The following MYZAP variants were observed in gnomAD, a reference collection of about 807,000 sequenced individuals.
MYZAP encodes the protein GRINL1A complex locus upstream.
In MYZAP, 66 loss-of-function variants were observed where a neutral mutation model predicts 69.4. The ratio of observed to expected loss-of-function variants is 0.95; its 90% CI spans 0.78 to 1.17. The LOEUF is 1.17. Ranked by LOEUF, MYZAP falls within the 50% of genes most tolerant of loss-of-function variation. MYZAP has a pLI of 0.00. For synonymous variants in MYZAP, 256 were observed against 205.9 expected, an observed-to-expected ratio of 1.24 and a Z score of -2.09; for missense variants, 611 against 556.2, an observed-to-expected ratio of 1.10 and a Z score of -0.99.
At position 57,605,020 on chromosome 15, in the gene MYZAP, G is replaced by C. The variant is rs7168904; in HGVS notation, c.162+665G>C. The stretch of plus-strand genomic sequence containing the variant: ...AGAGAAGGGAATAACTGACTGCTTG[G>C]GAGGTGACAGTGAAGTTGGAGGCTT... On this transcript the variant is annotated intron_variant, in intron 2 of 12. Coordinates refer to ENST00000267853, the MANE Select transcript of MYZAP (RefSeq NM_001018100.5). Among the ~76,000 whole-genome samples, 923 of 152,270 alleles carry C rather than the reference G, an allele frequency of 6.1e-3. 15 individuals are homozygous for C. The highest frequency in any genetic ancestry group is 0.021 in the African/African-American group (873 of 41,540).
chr15:57,632,590 T>C lies in MYZAP; in HGVS notation c.804+31T>C, dbSNP rs115152777. 9.1e-4 allele frequency: 1,465 copies of C among 1,612,032 alleles called. 7 individuals carry two copies. In the African/African-American group the frequency reaches 0.016, roughly 17 times the overall value. On this transcript the variant is annotated intron_variant, in intron 7 of 12. Coordinates refer to ENST00000267853, the MANE Select transcript of MYZAP (RefSeq NM_001018100.5). ...TGTGTTGTAGCTGCCGATGTAAACTTACCGGGAATTGTTGGTTCATTATTG... is the reference window on the plus strand; with the variant it reads ...TGTGTTGTAGCTGCCGATGTAAACTCACCGGGAATTGTTGGTTCATTATTG...
chr15:57,656,541 A>T (rs865955587), intron 10 of MYZAP, among the ~76,000 whole-genome samples: 9 of 152,216 alleles, frequency 5.9e-5, no homozygotes, highest in Non-Finnish European at 1.3e-4. Flanking sequence ...CTTGAGAGTC[A>T]GATGTTCCTA....
In MYZAP at chr15:57,671,120, C is replaced by A. The variant is rs2038845343; in HGVS notation, c.1204-3848C>A. 2.0e-5 allele frequency among the ~76,000 whole-genome samples: 3 copies of A among 152,060 alleles called. No individual in the cohort carries two copies. The South Asian group carries it at 6.2e-4, about 31-fold the overall frequency. On this transcript the variant is annotated intron_variant, in intron 11 of 12. Coordinates refer to ENST00000267853, the MANE Select transcript of MYZAP (RefSeq NM_001018100.5). ...TATTTAGAATTTTGTGTAGTGCAGG[C>A]CAGGTGGTAAAACATTCTCTTAGTT...
chr15:57,645,452 A>G (rs1368340424), intron 10 of MYZAP, among the ~76,000 whole-genome samples: 1 of 152,222 alleles, frequency 6.6e-6, no homozygotes, highest in Non-Finnish European at 1.5e-5. Flanking sequence ...GCCTAGAAAA[A>G]TAGCAACAAG....
intron 11 of MYZAP, among the ~76,000 whole-genome samples, chr15:57,666,278 G>A (rs912603908): frequency 2.0e-5 from 3 of 152,218 alleles, no homozygotes; most frequent in Non-Finnish European, 4.4e-5. Context: ...TTGTTGAAAT[G>A]TTGAAATCGT....
intron 10 of MYZAP, among the ~76,000 whole-genome samples, chr15:57,656,518 A>C (rs2038017369): frequency 6.6e-6 from 1 of 152,212 alleles, no homozygotes; most frequent in African/African-American, 2.4e-5. Context: ...GTTTGTAAAA[A>C]ATGAACCAAA....
At chr15:57,668,561 A>G (rs2038705678) in intron 11 of MYZAP, among the ~76,000 whole-genome samples, 1 of 152,220 alleles carries the variant, frequency 6.6e-6, no homozygotes, top group Middle Eastern at 3.2e-3. Context: ...AAATTGAGCC[A>G]TGCTAGGGGA....
intron 10 of MYZAP, among the ~76,000 whole-genome samples, chr15:57,653,257 T>G (rs1215247916): frequency 1.3e-5 from 2 of 152,134 alleles, no homozygotes; most frequent in Non-Finnish European, 2.9e-5. Flanking sequence ...ATAAAATAAT[T>G]TAAAATGTTT....
At chr15:57,618,477 GGT>G (rs2035613409) in intron 3 of MYZAP, among the ~76,000 whole-genome samples, 1 of 152,162 alleles carries the variant, frequency 6.6e-6, no homozygotes, top group Non-Finnish European at 1.5e-5. Context: ...GCTCTTGAGT[GGT>G]TTTTCTTTAT....
chr15:57,595,272 C>T (rs2033980139), intron 1 of MYZAP, among the ~76,000 whole-genome samples: 1 of 152,118 alleles, frequency 6.6e-6, no homozygotes, highest in African/African-American at 2.4e-5. Flanking sequence ...TGGATGCCAA[C>T]CAGCAGAAGT....
intron 11 of MYZAP, among the ~76,000 whole-genome samples, chr15:57,668,894 A>ATATTTTTTTTTT (rs1252525814): frequency 3.7e-3 from 230 of 62,510 alleles, no homozygotes; most frequent in African/African-American, 8.5e-3. Context: ...ATATATATAT[A>ATATTTTTTTTTT]TTTTTTTTTT....
At chr15:57,614,151 A>C (rs2035285899) in intron 2 of MYZAP, among the ~76,000 whole-genome samples, 2 of 152,234 alleles carry the variant, frequency 1.3e-5, no homozygotes, top group South Asian at 4.1e-4. Flanking sequence ...AATAACAGGT[A>C]TTCACTTCAT....
Position 57,660,017 on chromosome 15 carries a change from C to G in MYZAP, c.1120-1433C>G, listed in dbSNP as rs148098617. Among the ~76,000 whole-genome samples, 68 of 152,272 alleles carry G rather than the reference C, an allele frequency of 4.5e-4. 2 individuals carry two copies. The East Asian group carries it at 0.011, about 25-fold the overall frequency. On this transcript the variant is annotated intron_variant, in intron 10 of 12. Transcript: ENST00000267853. ...TTTTACATCAAAGCGAGTATACTGTCTACCTTGCCATACACTTCATCAGTG... is the reference window on the plus strand; with the variant it reads ...TTTTACATCAAAGCGAGTATACTGTGTACCTTGCCATACACTTCATCAGTG...
At chr15:57,617,649 G>C (rs945708199) in intron 2 of MYZAP, among the ~76,000 whole-genome samples, 5 of 152,210 alleles carry the variant, frequency 3.3e-5, no homozygotes, top group African/African-American at 1.2e-4. Flanking sequence ...TGTATTTAGT[G>C]ATGAGGTTGA....
At chr15:57,645,845 T>C (rs1225092489) in intron 10 of MYZAP, among the ~76,000 whole-genome samples, 1 of 152,256 alleles carries the variant, frequency 6.6e-6, no homozygotes, top group African/African-American at 2.4e-5. Context: ...TAGCCATCAA[T>C]CTCTTCACAA....
intron 6 of MYZAP, among the ~76,000 whole-genome samples, chr15:57,630,454 T>G (rs1366164618): frequency 2.0e-5 from 3 of 152,226 alleles, no homozygotes; most frequent in Non-Finnish European, 2.9e-5. Flanking sequence ...AGATTTTCTT[T>G]GAGGTCCCAA....
chr15:57,624,557 T>C (rs915730545), intron 4 of MYZAP, among the ~76,000 whole-genome samples: 2 of 152,244 alleles, frequency 1.3e-5, no homozygotes, highest in Non-Finnish European at 2.9e-5. Context: ...CATTCTGCCA[T>C]GACTGTCAGA....
chr15:57,639,051 TA>T (rs779884248), intron 9 of MYZAP, among the ~76,000 whole-genome samples: 3 of 152,232 alleles, frequency 2.0e-5, no homozygotes, highest in Non-Finnish European at 4.4e-5. Flanking sequence ...GGTAGTTTGT[TA>T]GTAATCACAC....
At chr15:57,610,258 T>C (rs1421976392) in intron 2 of MYZAP, among the ~76,000 whole-genome samples, 2 of 152,190 alleles carry the variant, frequency 1.3e-5, no homozygotes, top group Admixed American at 1.3e-4. Context: ...GTTGGGAACT[T>C]TCATAACCCA....
Sources: gnomAD v4.1 joint callset for allele counts (sites outside exome capture counted in the v4.1 genomes callset) on GRCh38, gnomAD v4.1.1 for gene constraint, MANE v1.5 for transcripts, NCBI Gene and HGNC (gene_info 2026-07-23, HGNC 2026-07-21) for gene names.